The following PPFIBP1 variants were observed in gnomAD, a reference collection of about 807,000 sequenced individuals.
PPFIBP1 encodes the protein liprin-beta-1.
A neutral mutation model predicts 137.8 loss-of-function variants in PPFIBP1; 112 were observed. That is an observed-to-expected ratio of 0.81 (90% CI 0.70 to 0.95). The LOEUF (loss-of-function observed/expected upper bound fraction) is 0.95. PPFIBP1 is among the 40% of genes least tolerant of loss of function. The probability of loss-of-function intolerance (pLI) is 0.00; values close to 1 mark genes in which losing one functional copy is unlikely to be tolerated. For missense variants in PPFIBP1, 1,083 were observed against 1,196.6 expected (o/e 0.91, Z 1.40); for synonymous variants, 378 against 417.3 (o/e 0.91, Z 1.15).
chr12:27,656,555 C>G, intron 8 of PPFIBP1, 61 bp from the exon 9 acceptor site: 1 of 1,002,636 alleles, frequency 1.0e-6, no homozygotes, highest in Non-Finnish European at 1.6e-6. Context: ...AGCTAATATG[C>G]TCTCTGAATG....
At chr12:27,652,528 C>G (rs1469974532) in intron 7 of PPFIBP1, among the ~76,000 whole-genome samples, 2 of 152,156 alleles carry the variant, frequency 1.3e-5, no homozygotes, top group Non-Finnish European at 2.9e-5. Flanking sequence ...ATTAGGGAGC[C>G]ATTTCCAGAT....
At chr12:27,564,747 C>T (rs1201090500) in intron 1 of PPFIBP1, among the ~76,000 whole-genome samples, 3 of 152,156 alleles carry the variant, frequency 2.0e-5, no homozygotes, top group Non-Finnish European at 4.4e-5. Context: ...CGGGTCTCTC[C>T]TGCCTCTCTC....
intron 2 of PPFIBP1, among the ~76,000 whole-genome samples, chr12:27,601,755 C>T (rs1243313239): frequency 1.3e-5 from 2 of 152,178 alleles, no homozygotes; most frequent in East Asian, 3.9e-4. Flanking sequence ...CCCTCTCCCA[C>T]AACTTTACCA....
At chr12:27,575,640 T>C (rs1176877910) in intron 1 of PPFIBP1, among the ~76,000 whole-genome samples, 1 of 152,246 alleles carries the variant, frequency 6.6e-6, no homozygotes, top group Non-Finnish European at 1.5e-5. Flanking sequence ...TCTTTTTTGC[T>C]TCTCTATGTA....
chr12:27,692,898 G>C lies in PPFIBP1; in HGVS notation c.*16G>C, dbSNP rs367971027. The C allele has an allele frequency of 1.2e-5, 20 of 1,613,918 alleles. No homozygotes were observed. The highest frequency in any genetic ancestry group is 1.7e-5 in the Non-Finnish European group (20 of 1,179,954). On this transcript the variant is annotated 3_prime_UTR_variant, in exon 30 of 30. Transcript: ENST00000228425. Reference sequence around the variant, plus strand: ...AAACGTTTGACCGTAGCACCTGGATGAACATTAGGAGTGCTTAGTCTTTTT... The same window carrying C: ...AAACGTTTGACCGTAGCACCTGGATCAACATTAGGAGTGCTTAGTCTTTTT...
chr12:27,614,266 C>A (rs571286664), intron 2 of PPFIBP1, among the ~76,000 whole-genome samples: 12 of 152,206 alleles, frequency 7.9e-5, no homozygotes, highest in Non-Finnish European at 1.5e-4. Context: ...GTGATTCCAG[C>A]TACTTGGGAA....
intron 2 of PPFIBP1, among the ~76,000 whole-genome samples, chr12:27,631,225 C>CA (rs2057242907): frequency 6.6e-6 from 1 of 152,060 alleles, no homozygotes. Flanking sequence ...AATGATTGTT[C>CA]ATATCCTCAT....
intron 2 of PPFIBP1, among the ~76,000 whole-genome samples, chr12:27,598,762 C>T (rs1356650824): frequency 1.3e-5 from 2 of 152,186 alleles, no homozygotes; most frequent in South Asian, 2.1e-4. Flanking sequence ...ACTCCACTTT[C>T]ACCTCCAAAA....
chr12:27,646,211 G>T, intron 5 of PPFIBP1, 63 bp downstream of exon 5: 1 of 1,347,402 alleles, frequency 7.4e-7, no homozygotes, highest in Non-Finnish European at 1.0e-6. Flanking sequence ...TTAAATTGGG[G>T]TGGCAAATTC....
chr12:27,563,511 C>T (rs1376202187), intron 1 of PPFIBP1, among the ~76,000 whole-genome samples: 1 of 150,078 alleles, frequency 6.7e-6, no homozygotes, highest in Non-Finnish European at 1.5e-5. Flanking sequence ...GAAGAGGGAA[C>T]CAGTGGAGAG....
chr12:27,539,491 A>C (rs1945418124), intron 1 of PPFIBP1, among the ~76,000 whole-genome samples: 1 of 152,196 alleles, frequency 6.6e-6, no homozygotes, highest in Non-Finnish European at 1.5e-5. Context: ...TTGACTATCA[A>C]ATTCCCAAAA....
chr12:27,635,210 A>G, intron 4 of PPFIBP1, 95 bp downstream of exon 4: 1 of 1,175,214 alleles, frequency 8.5e-7, no homozygotes, highest in East Asian at 2.4e-5. Context: ...AGAAAAGTTT[A>G]GGGCAACACA....
At chr12:27,582,799 C>A (rs2051277537) in intron 2 of PPFIBP1, among the ~76,000 whole-genome samples, 1 of 152,164 alleles carries the variant, frequency 6.6e-6, no homozygotes, top group African/African-American at 2.4e-5. Flanking sequence ...TTGAAATAGC[C>A]CTGAGAGTTT....
At chr12:27,568,571 A>G (rs1055933919) in intron 1 of PPFIBP1, among the ~76,000 whole-genome samples, 2 of 152,194 alleles carry the variant, frequency 1.3e-5, no homozygotes, top group Non-Finnish European at 1.5e-5. Context: ...GATGTTCTCA[A>G]TCACGGAGTG....
At chr12:27,637,856 GA>G (rs2057797344) in intron 4 of PPFIBP1, among the ~76,000 whole-genome samples, 1 of 152,094 alleles carries the variant, frequency 6.6e-6, no homozygotes, top group Admixed American at 6.5e-5. Flanking sequence ...GTAATTTGCT[GA>G]TAATATTAAA....
intron 1 of PPFIBP1, among the ~76,000 whole-genome samples, chr12:27,575,369 A>G (rs572843473): frequency 2.6e-5 from 4 of 152,344 alleles, no homozygotes; most frequent in African/African-American, 9.6e-5. Flanking sequence ...GAAGGCTGAG[A>G]TATGGCATTA....
chr12:27,684,405 G>A (rs1165220417), intron 24 of PPFIBP1, among the ~76,000 whole-genome samples: 2 of 152,156 alleles, frequency 1.3e-5, no homozygotes, highest in Non-Finnish European at 2.9e-5. Flanking sequence ...CACTGTGCCC[G>A]GCCTAAAATT....
chr12:27,601,771 C>T (rs751782247), intron 2 of PPFIBP1, among the ~76,000 whole-genome samples: 3 of 152,202 alleles, frequency 2.0e-5, no homozygotes, highest in Non-Finnish European at 2.9e-5. Context: ...TACCATCTAG[C>T]ACGGCCATGA....
chr12:27,532,607 A>C (rs1464026566), intron 1 of PPFIBP1, among the ~76,000 whole-genome samples: 1 of 152,152 alleles, frequency 6.6e-6, no homozygotes, highest in East Asian at 1.9e-4. Flanking sequence ...CACCAGAGCA[A>C]AGGAAGAGAC....
Sources: gnomAD v4.1 joint callset for allele counts (sites outside exome capture counted in the v4.1 genomes callset) on GRCh38, gnomAD v4.1.1 for gene constraint, MANE v1.5 for transcripts, NCBI Gene and HGNC (gene_info 2026-07-23, HGNC 2026-07-21) for gene names.